TENT2: variants seen among roughly 807,000 people sequenced by gnomAD.
The protein encoded by TENT2 is terminal nucleotidyltransferase 2.
TENT2 carries 44 observed loss-of-function variants against 72.2 expected under a neutral mutation model. The ratio of observed to expected loss-of-function variants is 0.61; its 90% CI spans 0.48 to 0.78. The LOEUF is 0.78. TENT2 is among the 30% of genes least tolerant of loss of function. TENT2 has a pLI of 0.00. For synonymous variants in TENT2, 212 were observed against 192.5 expected, an observed-to-expected ratio of 1.10 and a Z score of -0.84; for missense variants, 541 against 569.6, an observed-to-expected ratio of 0.95 and a Z score of 0.51.
At chr5:79,679,342 C>CA (rs1211495052) in intron 12 of TENT2, among the ~76,000 whole-genome samples, 1 of 151,704 alleles carries the variant, frequency 6.6e-6, no homozygotes, top group African/African-American at 2.4e-5. Context: ...TTGAGGGAGA[C>CA]ACAATGAAGA....
Position 79,673,266 on chromosome 5 carries a change from G to C in TENT2, c.1208+4238G>C, listed in dbSNP as rs576513153. Reference sequence around the variant, plus strand: ...GGTTTGTCTCCTCACTTTGTTGATTGTTTCCTTTGCTATGCAGAAGCTTTT... The same window carrying C: ...GGTTTGTCTCCTCACTTTGTTGATTCTTTCCTTTGCTATGCAGAAGCTTTT... On this transcript the variant is annotated intron_variant, in intron 12 of 14. Coordinates refer to ENST00000453514, the MANE Select transcript of TENT2 (RefSeq NM_001114394.3). 7.2e-4 allele frequency among the ~76,000 whole-genome samples: 109 copies of C among 152,152 alleles called. 1 individual carries two copies. The highest frequency in any genetic ancestry group is 1.3e-3 in the Non-Finnish European group (88 of 68,000).
intron 12 of TENT2, among the ~76,000 whole-genome samples, chr5:79,679,272 A>G (rs1190640060): frequency 6.6e-6 from 1 of 152,152 alleles, no homozygotes; most frequent in Non-Finnish European, 1.5e-5. Flanking sequence ...GGTATGTACT[A>G]TGCACCTAGG....
chr5:79,628,424 A>T (rs1014457984), intron 4 of TENT2, among the ~76,000 whole-genome samples: 1 of 152,242 alleles, frequency 6.6e-6, no homozygotes, highest in Non-Finnish European at 1.5e-5. Flanking sequence ...GGTGGTGATC[A>T]TCTTGAAGGC....
chr5:79,627,027 G>A (rs113562144), intron 4 of TENT2, among the ~76,000 whole-genome samples: 60 of 151,990 alleles, frequency 3.9e-4, no homozygotes, highest in African/African-American at 1.2e-3. Flanking sequence ...CTACTTGAGA[G>A]GCTGGGGCAG....
intron 7 of TENT2, among the ~76,000 whole-genome samples, chr5:79,643,720 C>T (rs1197738252): frequency 6.6e-6 from 1 of 151,946 alleles, no homozygotes; most frequent in East Asian, 1.9e-4. Flanking sequence ...ATAATTCATA[C>T]CTACTTGAAT....
intron 11 of TENT2, among the ~76,000 whole-genome samples, chr5:79,663,439 T>G (rs956153357): frequency 2.6e-5 from 4 of 152,174 alleles, no homozygotes; most frequent in Admixed American, 2.6e-4. Context: ...TCATTTAAAG[T>G]GAGAGATGTG....
chr5:79,625,758 C>T (rs1384785419), intron 4 of TENT2, among the ~76,000 whole-genome samples: 1 of 151,556 alleles, frequency 6.6e-6, no homozygotes, highest in Non-Finnish European at 1.5e-5. Flanking sequence ...GAAAAACAAT[C>T]AGGCAAAATC....
intron 11 of TENT2, among the ~76,000 whole-genome samples, chr5:79,660,990 A>G (rs890699650): frequency 2.6e-5 from 4 of 152,118 alleles, no homozygotes; most frequent in African/African-American, 4.8e-5. Flanking sequence ...AAAAAAGTTT[A>G]AAAGGAAAAA....
intron 7 of TENT2, 141 bp from the exon 8 acceptor site, chr5:79,644,982 T>G (rs1414340216): frequency 8.2e-6 from 5 of 611,236 alleles, no homozygotes; most frequent in Non-Finnish European, 1.1e-5. Flanking sequence ...AATTTGATAA[T>G]GTCCTCACTT....
chr5:79,626,401 G>A (rs1389224064), intron 4 of TENT2, among the ~76,000 whole-genome samples: 1 of 149,614 alleles, frequency 6.7e-6, no homozygotes, highest in Non-Finnish European at 1.5e-5. Flanking sequence ...TCTGCCTCCT[G>A]TGTTCGCGCT....
In TENT2 at chr5:79,616,995, T is replaced by A. The variant is rs1397224857; in HGVS notation, c.-37-2617T>A. Reference sequence around the variant, plus strand: ...AATGTTTGTGAGGGATTTATTAATTTCTTCCCAGATTTTTCTTTTTCTCCC... The same window carrying A: ...AATGTTTGTGAGGGATTTATTAATTACTTCCCAGATTTTTCTTTTTCTCCC... On this transcript the variant is annotated intron_variant, in intron 1 of 14. Coordinates refer to ENST00000453514, the MANE Select transcript of TENT2 (RefSeq NM_001114394.3). 5.9e-5 allele frequency among the ~76,000 whole-genome samples: 9 copies of A among 152,164 alleles called. No homozygotes were observed. In the East Asian group the frequency reaches 9.6e-4, roughly 16 times the overall value.
intron 12 of TENT2, among the ~76,000 whole-genome samples, chr5:79,674,629 G>A (rs769263886): frequency 2.6e-5 from 4 of 152,122 alleles, no homozygotes; most frequent in African/African-American, 7.2e-5. Context: ...GATGTGTACC[G>A]GTTACTAAGT....
At position 79,623,370 on chromosome 5, in the gene TENT2, T is replaced by C; in HGVS notation, c.346T>C (p.Ser116Pro). 1.2e-6 allele frequency: 2 copies of C among 1,613,658 alleles called. No homozygotes were observed. The highest frequency in any genetic ancestry group is 1.7e-6 in the Non-Finnish European group (2 of 1,179,776). ...GCCTTTATCAGGTGAACGAAGATAC[T>C]CAATGCCACCATTGTTTCATACACA... ...IVPLSGERRY[S>P]MPPLFHTHYV... Residue 116 changes from serine to proline, a missense_variant, in exon 4 of 15, where the codon TCA (serine) becomes CCA (proline). Transcript: ENST00000453514.
intron 4 of TENT2, among the ~76,000 whole-genome samples, chr5:79,628,201 C>T (rs1357023314): frequency 6.6e-6 from 1 of 152,134 alleles, no homozygotes; most frequent in Admixed American, 6.5e-5. Flanking sequence ...TTGTGCTCGA[C>T]AGTTTGTTTG....
At position 79,686,752 on chromosome 5, in the gene TENT2, A is replaced by G. The variant is rs561334784; in HGVS notation, c.*1479A>G. 6.6e-6 allele frequency: 1 copy of G among 152,276 alleles called. No homozygotes were observed. Among genetic ancestry groups the G allele is most frequent in the East Asian group, 1.9e-4 (1 of 5,182 alleles). 9.4% of individuals were successfully genotyped at this position (152,276 alleles called of 1,614,324 possible). On this transcript the variant is annotated 3_prime_UTR_variant, in exon 15 of 15. Transcript: ENST00000453514. ...ATCTACTTATTAGCCAGCTAACGAC[A>G]TCAATATCTTATGTCTCTGGCATTA...
At chr5:79,633,727 T>G (rs1301215479) in intron 4 of TENT2, among the ~76,000 whole-genome samples, 4 of 99,092 alleles carry the variant, frequency 4.0e-5, no homozygotes, top group Admixed American at 1.1e-4. Flanking sequence ...AAAAGTTTTT[T>G]TTTTTTTTTT....
rs778423977 is a variant in TENT2 at position 79,668,881 on chromosome 5, C to CT, written c.1072-6dup. The CT allele has an allele frequency of 1.7e-5, 27 of 1,594,006 alleles. No individual in the cohort carries two copies. In the African/African-American group the frequency reaches 3.6e-4, roughly 22 times the overall value. On this transcript the variant is annotated splice_polypyrimidine_tract_variant and intron_variant, in intron 11 of 14. Transcript: ENST00000453514. ...TGGCTTTACATTTTTTCCCCTTCTT[C>CT]TTTTTGACAGGAGTCTTTTAGTCCT...
chr5:79,683,473 G>A (rs963662492), intron 14 of TENT2, among the ~76,000 whole-genome samples: 8 of 152,010 alleles, frequency 5.3e-5, no homozygotes, highest in Admixed American at 2.0e-4. Context: ...TTGTGCCACC[G>A]CACTCCAGCC....
rs554176900 is a variant in TENT2 at position 79,635,624 on chromosome 5, G to A, written c.466-5227G>A. Among the ~76,000 whole-genome samples, 18 of 152,096 alleles carry A rather than the reference G, an allele frequency of 1.2e-4. No homozygotes were observed. In the South Asian group the frequency reaches 3.3e-3, roughly 28 times the overall value. On this transcript the variant is annotated intron_variant, in intron 4 of 14. Coordinates refer to ENST00000453514, the MANE Select transcript of TENT2 (RefSeq NM_001114394.3). ...GGCTGGAGTGCAGTTGCGCGATCTC[G>A]GCTCATTGCAACCTCTGCCTCCAGG... is the stretch of plus-strand genomic sequence containing the variant.
Sources: gnomAD v4.1 joint callset for allele counts (sites outside exome capture counted in the v4.1 genomes callset) on GRCh38, gnomAD v4.1.1 for gene constraint, MANE v1.5 for transcripts, NCBI Gene and HGNC (gene_info 2026-07-23, HGNC 2026-07-21) for gene names.